The following TENM3 variants were observed in gnomAD, a reference collection of about 807,000 sequenced individuals.
The protein encoded by TENM3 is teneurin transmembrane protein 3, also known as teneurin-3.
In TENM3, 63 loss-of-function variants were observed where a neutral mutation model predicts 255.1. The ratio of observed to expected loss-of-function variants is 0.25; its 90% confidence interval spans 0.20 to 0.30. The LOEUF (loss-of-function observed/expected upper bound fraction) is 0.30, where lower values mean the gene tolerates loss of function less well. TENM3 is among the 10% of genes least tolerant of loss of function. The probability of loss-of-function intolerance (pLI) is 1.00; values close to 1 mark genes in which losing one functional copy is unlikely to be tolerated. For synonymous variants in TENM3, 1,306 were observed against 1,322.3 expected (o/e 0.99, Z 0.27); for missense variants, 2,929 against 3,461.1 (o/e 0.85, Z 3.86).
intron 7 of TENM3, among the ~76,000 whole-genome samples, chr4:182,678,717 G>A (rs1343712760): frequency 6.6e-6 from 1 of 152,224 alleles, no homozygotes; most frequent in Non-Finnish European, 1.5e-5. Context: ...CCAGCACGGA[G>A]TAAGGATTCA....
the TENM3 span, among the ~76,000 whole-genome samples, chr4:181,917,480 A>G: frequency 1.3e-5 from 2 of 151,922 alleles, no homozygotes; most frequent in Non-Finnish European, 2.9e-5. Context: ...TTTCTTGGAG[A>G]TAAAATCCTC....
intron 3 of TENM3, among the ~76,000 whole-genome samples, chr4:182,526,405 C>T (rs28460842): frequency 0.036 from 5,516 of 152,180 alleles, 213 homozygotes; most frequent in African/African-American, 0.095. Context: ...ATAGTCTAAT[C>T]GTATGACATT....
chr4:181,826,012 A>C, the TENM3 span, among the ~76,000 whole-genome samples: 16,875 of 152,204 alleles, frequency 0.11, 1,488 homozygotes, highest in East Asian at 0.53. Context: ...GCATGTTTTA[A>C]AGAGACCCAT....
the TENM3 span, among the ~76,000 whole-genome samples, chr4:181,549,356 A>T: frequency 6.6e-6 from 1 of 152,300 alleles, no homozygotes; most frequent in East Asian, 1.9e-4. Context: ...TGAACATGCA[A>T]TCATGCCATT....
intron 4 of TENM3, among the ~76,000 whole-genome samples, chr4:182,611,669 A>G (rs1165529588): frequency 3.3e-5 from 5 of 152,232 alleles, no homozygotes; most frequent in African/African-American, 1.2e-4. Context: ...ATTTTGCAGC[A>G]AAGTCATATA....
the TENM3 span, among the ~76,000 whole-genome samples, chr4:182,111,752 T>G: frequency 6.6e-6 from 1 of 152,130 alleles, no homozygotes; most frequent in South Asian, 2.1e-4. Context: ...TTGGCATACC[T>G]CAAGACAGGC....
intron 3 of TENM3, among the ~76,000 whole-genome samples, chr4:182,522,548 GTA>G (rs1186567973): frequency 1.3e-5 from 2 of 152,204 alleles, no homozygotes; most frequent in East Asian, 3.9e-4. Flanking sequence ...ATTCCACTGT[GTA>G]TATATACCAC....
At chr4:182,120,090 TGCGC>T in the TENM3 span, among the ~76,000 whole-genome samples, 96,724 of 140,946 alleles carry the variant, frequency 0.69, 31,480 homozygotes, top group East Asian at 0.83. Context: ...CATGCGTGCG[TGCGC>T]GCACACACAC....
the TENM3 span, among the ~76,000 whole-genome samples, chr4:181,469,682 T>TTG: frequency 0.7 from 106,645 of 151,862 alleles, 37,785 homozygotes; most frequent in Non-Finnish European, 0.74. Context: ...CAGAAAATTG[T>TTG]TGAGTAGTTA....
the TENM3 span, among the ~76,000 whole-genome samples, chr4:181,495,556 CGAGA>C: frequency 0.28 from 41,279 of 147,960 alleles, 5,698 homozygotes; most frequent in Middle Eastern, 0.36. Flanking sequence ...TTAGTATACA[CGAGA>C]GAGAGAGAGA....
At chr4:182,155,571 C>G (rs1337140100) in intron 1 of TENM3, among the ~76,000 whole-genome samples, 1 of 151,974 alleles carries the variant, frequency 6.6e-6, no homozygotes, top group African/African-American at 2.4e-5. Context: ...ATCAAGGACT[C>G]TAGACTTTCA....
chr4:182,604,999 A>G (rs1039986093), intron 4 of TENM3, among the ~76,000 whole-genome samples: 2 of 152,230 alleles, frequency 1.3e-5, no homozygotes, highest in African/African-American at 4.8e-5. Context: ...AAACTAAGAT[A>G]TGATACTTTT....
At position 182,565,747 on chromosome 4, in the gene TENM3, T is replaced by G. The variant is rs560332540; in HGVS notation, c.512-35177T>G. Among the ~76,000 whole-genome samples, 5 of 152,336 alleles carry G rather than the reference T, an allele frequency of 3.3e-5. No homozygotes were observed. The South Asian group carries it at 1.0e-3, about 32-fold the overall frequency. On this transcript the variant is annotated intron_variant, in intron 3 of 27. Transcript: ENST00000511685. ...TAGCAGGATTAGACATCTACAGCAT[T>G]ATGCTTTCAAGAAAATTTTTCTTGA...
chr4:181,605,200 C>T, the TENM3 span, among the ~76,000 whole-genome samples: 1 of 151,884 alleles, frequency 6.6e-6, no homozygotes, highest in Non-Finnish European at 1.5e-5. Context: ...AACTCCACCA[C>T]TTCGCGAGGC....
chr4:182,535,788 A>G (rs1024178923), intron 3 of TENM3, among the ~76,000 whole-genome samples: 3 of 151,928 alleles, frequency 2.0e-5, no homozygotes, highest in Non-Finnish European at 2.9e-5. Context: ...TTAATCTGTA[A>G]TGAATTATGA....
the TENM3 span, among the ~76,000 whole-genome samples, chr4:181,525,396 C>CAAAAAAAAAAAAAAAAAAAAAAAAAAAA: frequency 2.1e-4 from 20 of 97,294 alleles, no homozygotes; most frequent in East Asian, 1.4e-3. Context: ...GACCCTGTTT[C>CAAAAAAAAAAAAAAAAAAAAAAAAAAAA]AAAAAAAAAA....
chr4:181,637,684 A>T, the TENM3 span, among the ~76,000 whole-genome samples: 1 of 152,202 alleles, frequency 6.6e-6, no homozygotes, highest in Non-Finnish European at 1.5e-5. Flanking sequence ...GAATCTCAAC[A>T]TACAAATGTG....
intron 3 of TENM3, among the ~76,000 whole-genome samples, chr4:182,487,550 T>C (rs1405672192): frequency 6.6e-6 from 1 of 152,096 alleles, no homozygotes; most frequent in Non-Finnish European, 1.5e-5. Context: ...GAAAATAATT[T>C]TGATGGGCCA....
At chr4:181,739,592 A>G in the TENM3 span, among the ~76,000 whole-genome samples, 2 of 152,146 alleles carry the variant, frequency 1.3e-5, no homozygotes, top group African/African-American at 4.8e-5. Context: ...CATAAATTAC[A>G]CTAACTGAGC....
Sources: allele counts gnomAD v4.1 joint callset (sites outside exome capture counted in the v4.1 genomes callset), GRCh38; gene constraint gnomAD v4.1.1; transcripts MANE v1.5; gene names NCBI Gene and HGNC (gene_info 2026-07-23, HGNC 2026-07-21).